PLPP2: variants seen among roughly 807,000 people sequenced by gnomAD.
PLPP2 encodes PAP2-gamma.
A neutral mutation model predicts 35.2 loss-of-function variants in PLPP2; 29 were observed. The ratio of observed to expected loss-of-function variants is 0.82; its 90% CI spans 0.61 to 1.12. PLPP2 has a LOEUF of 1.12. Ranked by LOEUF, PLPP2 falls within the 50% of genes most tolerant of loss-of-function variation. The pLI is 0.00. For missense variants in PLPP2, 353 were observed against 375.2 expected, an observed-to-expected ratio of 0.94 and a Z score of 0.49; for synonymous variants, 162 against 167.0, an observed-to-expected ratio of 0.97 and a Z score of 0.23.
intron 3 of PLPP2, chr19:285,641 C>A (rs1359341647): frequency 6.7e-6 from 1 of 149,084 alleles, no homozygotes; most frequent in African/African-American, 2.5e-5. Flanking sequence ...ATTATTCAGC[C>A]TGGCCGAAAA....
chr19:290,974 A>G (rs904950788), intron 1 of PLPP2: 1 of 1,247,046 alleles, frequency 8.0e-7, no homozygotes, highest in South Asian at 3.5e-5. Flanking sequence ...GCGGGGCGGG[A>G]TGGAGGCGCG....
At chr19:289,564 A>T (rs1453657225) in intron 1 of PLPP2, among the ~76,000 whole-genome samples, 1 of 151,944 alleles carries the variant, frequency 6.6e-6, no homozygotes, top group Non-Finnish European at 1.5e-5. Flanking sequence ...AAATACAAAA[A>T]TTATCTGGGT....
Position 281,229 on chromosome 19 carries a change from G to C in PLPP2, c.*159C>G. On this transcript the variant is annotated 3_prime_UTR_variant, in exon 6 of 6. Coordinates refer to ENST00000434325, the MANE Select transcript of PLPP2 (RefSeq NM_003712.4). The stretch of plus-strand genomic sequence containing the variant: ...CAGGCATCTCCAGACTCCTGGTCCA[G>C]TGCAGGGCAGGGGGCAGCGGAGCCC... 1 of 660,948 alleles carries C rather than the reference G, an allele frequency of 1.5e-6. No homozygotes were observed. The highest frequency in any genetic ancestry group is 2.2e-6 in the Non-Finnish European group (1 of 464,204). 40.9% of individuals were successfully genotyped at this position (660,948 alleles called of 1,614,324 possible).
intron 3 of PLPP2, 90 bp from the exon 4 acceptor site, chr19:282,899 C>G (rs187183516): frequency 1.7e-6 from 2 of 1,208,286 alleles, no homozygotes; most frequent in Non-Finnish European, 2.4e-6. Flanking sequence ...GGGCTCGACA[C>G]GGAGGCTGCT....
chr19:286,977 G>A (rs894295331), intron 3 of PLPP2: 4 of 155,934 alleles, frequency 2.6e-5, no homozygotes, highest in Admixed American at 1.2e-4. Flanking sequence ...ATCAGAGATT[G>A]GACAATACAT....
chr19:290,998 C>G (rs942114559), intron 1 of PLPP2: 8 of 1,270,872 alleles, frequency 6.3e-6, no homozygotes, highest in East Asian at 3.2e-5. Flanking sequence ...GCGGCCCCTC[C>G]GCACAGACTT....
chr19:288,002 G>C lies in PLPP2; in HGVS notation c.204+18C>G, dbSNP rs890779382. 6.2e-7 allele frequency: 1 copy of C among 1,608,238 alleles called. No individual in the cohort carries two copies. Among genetic ancestry groups the C allele is most frequent in the African/African-American group, 1.4e-5 (1 of 73,360 alleles). On this transcript the variant is annotated intron_variant, in intron 2 of 5. Transcript: ENST00000434325. Reference sequence around the variant, plus strand: ...CCCCATCCCCCTACCCAGTCCCTCTGAGCCCCTCCTGCCTTACAAGGATGA... The same window carrying C: ...CCCCATCCCCCTACCCAGTCCCTCTCAGCCCCTCCTGCCTTACAAGGATGA...
Position 287,121 on chromosome 19 carries a change from G to C in PLPP2, c.482+353C>G, listed in dbSNP as rs1970282909. The C allele has an allele frequency of 4.6e-6, 1 of 217,062 alleles. No individual in the cohort carries two copies. Among genetic ancestry groups the C allele is most frequent in the South Asian group, 9.6e-5 (1 of 10,466 alleles). The allele number at this position is 217,062 out of a possible 1,614,324, so 13.4% of individuals were successfully genotyped here. On this transcript the variant is annotated intron_variant, in intron 3 of 5. Coordinates refer to ENST00000434325, the MANE Select transcript of PLPP2 (RefSeq NM_003712.4). This position sits in a 1 kb window ranked among gnomAD's most constrained non-coding sequence, Gnocchi z 4.3. ...CAATAACAAAAAGAGAACCAGAATA[G>C]CTATGTTAATATCAGACAAAACAGA... is the stretch of plus-strand genomic sequence containing the variant.
At position 288,123 on chromosome 19, in the gene PLPP2, C is replaced by G. The variant is rs150705131; in HGVS notation, c.101G>C (p.Arg34Pro). 1 of 1,611,788 alleles carries G rather than the reference C, an allele frequency of 6.2e-7. No individual in the cohort carries two copies. Among genetic ancestry groups the G allele is most frequent in the Non-Finnish European group, 8.5e-7 (1 of 1,178,620 alleles). The change falls in exon 2 of 6, where the codon CGA becomes CCA. Residue 34 changes from arginine (R) to proline (P), a missense_variant. Transcript: ENST00000434325. ...ILTLVNAPYK[R>P]GFYCGDDSIR... ...GGAGTCATCCCCGCAGTAAAATCCT[C>G]GCTTGTACGGGGCGTTCACCAGCGT... is the stretch of plus-strand genomic sequence containing the variant.
chr19:288,175 G>A lies in PLPP2; in HGVS notation c.53-4C>T, dbSNP rs928294330. Reference sequence around the variant, plus strand: ...AGGATAGCGAAGGGCAGGGAGGCTGGTGGGGAAGAAAAGCCTGGGAGCTGT... The same window carrying A: ...AGGATAGCGAAGGGCAGGGAGGCTGATGGGGAAGAAAAGCCTGGGAGCTGT... On this transcript the variant is annotated splice_region_variant and splice_polypyrimidine_tract_variant and intron_variant, in intron 1 of 5. Transcript: ENST00000434325. The A allele has an allele frequency of 5.7e-6, 9 of 1,568,818 alleles. No individual in the cohort carries two copies. In the Admixed American group the frequency reaches 8.8e-5, roughly 15 times the overall value.
chr19:291,250 G>A (rs1443670598), intron 1 of PLPP2, 35 bp downstream of exon 1: 8 of 1,598,056 alleles, frequency 5.0e-6, no homozygotes, highest in African/African-American at 4.1e-5. Context: ...GTCCCGGGAG[G>A]GTCCCCCCAA....
In PLPP2 at chr19:287,515, C is replaced by G. The variant is rs746203025; in HGVS notation, c.441G>C (p.Glu147Asp). The change falls in exon 3 of 6, where the codon GAG (glutamate) becomes GAC (aspartate). Residue 147 changes from glutamate (E) to aspartate (D), a missense_variant. Glu to Asp is a conservative substitution (Grantham distance 45). Coordinates refer to ENST00000434325, the MANE Select transcript of PLPP2 (RefSeq NM_003712.4). The surrounding 1 kb of genome is among the most constrained non-coding windows in gnomAD (Gnocchi z 4.3). ...RVNCSVYVQL[E>D]KVCRGNPADV... is the part of the protein sequence containing the mutation. The stretch of plus-strand genomic sequence containing the variant: ...CAGCAGGGTTTCCCCTGCACACCTT[C>G]TCCAGCTGCACATAGACCGAGCAGT... The G allele has an allele frequency of 1.9e-6, 3 of 1,613,452 alleles. No individual in the cohort carries two copies. In the African/African-American group the frequency reaches 4.0e-5, roughly 22 times the overall value.
At position 281,591 on chromosome 19, in the gene PLPP2, A is replaced by T; in HGVS notation, c.718-54T>A. 2.1e-6 allele frequency: 3 copies of T among 1,396,416 alleles called. No homozygotes were observed. The East Asian group carries it at 7.7e-5, about 36-fold the overall frequency. The allele number at this position is 1,396,416 out of a possible 1,614,324, so 86.5% of individuals were successfully genotyped here. ...GCAGGGGGCTGTCCAGGTACCAGGGACATGGGCATGAGCAGGAGGGGGAGG... is the reference window on the plus strand; with the variant it reads ...GCAGGGGGCTGTCCAGGTACCAGGGTCATGGGCATGAGCAGGAGGGGGAGG... On this transcript the variant is annotated intron_variant, in intron 5 of 5. Coordinates refer to ENST00000434325, the MANE Select transcript of PLPP2 (RefSeq NM_003712.4).
intron 1 of PLPP2, among the ~76,000 whole-genome samples, chr19:289,531 C>T (rs765142383): frequency 4.1e-4 from 62 of 152,068 alleles, no homozygotes; most frequent in African/African-American, 1.3e-3. Flanking sequence ...CTGGCTAACA[C>T]GGTGAAACCC....
rs772693345 is a variant in PLPP2, at chr19:282,234, A to G, written c.617T>C (p.Phe206Ser). The change falls in exon 5 of 6, where the codon TTT becomes TCT. Residue 206 changes from phenylalanine (F) to serine (S), a missense_variant. By Grantham distance (155) the Phe-to-Ser change is radical. Transcript: ENST00000434325. ...RPTVQFFLVA[F>S]ALYVGYTRVS... ...GCGGGTGTAGCCCACGTAGAGGGCA[A>G]AGGCCACCAGGAAGAACTGGACTGT... 1.2e-6 allele frequency: 2 copies of G among 1,613,890 alleles called. No homozygotes were observed. The highest frequency in any genetic ancestry group is 1.7e-6 in the Non-Finnish European group (2 of 1,179,900).
At chr19:281,644 C>A in intron 5 of PLPP2, 107 bp from the exon 6 acceptor site, 1 of 1,095,052 alleles carries the variant, frequency 9.1e-7, no homozygotes, top group Non-Finnish European at 1.2e-6. Flanking sequence ...GAGCGAGGGG[C>A]CTAGGTGGGA....
Position 282,648 on chromosome 19 carries a change from C to T in PLPP2, c.540+104G>A, listed in dbSNP as rs925236432. 13 of 1,260,470 alleles carry T rather than the reference C, an allele frequency of 1.0e-5. No individual in the cohort carries two copies. In the Admixed American group the frequency reaches 1.8e-4, roughly 17 times the overall value. 78.1% of individuals were successfully genotyped at this position (1,260,470 alleles called of 1,614,324 possible). On this transcript the variant is annotated intron_variant, in intron 4 of 5. Transcript: ENST00000434325. ...AAACAAATCAGTTAGCCCCCCTCAC[C>T]ACCACTACCCACCCATTTTACAGCT... is the stretch of plus-strand genomic sequence containing the variant.
At position 287,938 on chromosome 19, in the gene PLPP2, C is replaced by G; in HGVS notation, c.204+82G>C. On this transcript the variant is annotated intron_variant, in intron 2 of 5. Coordinates refer to ENST00000434325, the MANE Select transcript of PLPP2 (RefSeq NM_003712.4). The surrounding 1 kb of genome is among the most constrained non-coding windows in gnomAD (Gnocchi z 4.3). ...CACAGACCTCCAGGGCAGGGCTGTG[C>G]CACCCCCCCATCAGGCCCCCAGGGT... The G allele has an allele frequency of 6.5e-7, 1 of 1,543,278 alleles. No individual in the cohort carries two copies. The highest frequency in any genetic ancestry group is 1.2e-5 in the South Asian group (1 of 83,312).
chr19:289,886 A>G (rs1285283657), intron 1 of PLPP2, among the ~76,000 whole-genome samples: 38 of 150,242 alleles, frequency 2.5e-4, no homozygotes. Context: ...CGAGATGCCC[A>G]GAAGGGAGTG....
Sources: allele counts gnomAD v4.1 joint callset (sites outside exome capture counted in the v4.1 genomes callset), GRCh38; gene constraint gnomAD v4.1.1; non-coding constraint Gnocchi (gnomAD v3.1); transcripts MANE v1.5; gene names NCBI Gene and HGNC (gene_info 2026-07-23, HGNC 2026-07-21).